PGGT1B: variants seen among roughly 807,000 people sequenced by gnomAD.
The protein encoded by PGGT1B is protein geranylgeranyltransferase type I subunit beta.
A neutral mutation model predicts 46.1 loss-of-function variants in PGGT1B; 30 were observed. The ratio of observed to expected loss-of-function variants is 0.65; its 90% CI spans 0.49 to 0.88. The LOEUF is 0.88. Among genes scored for constraint, PGGT1B ranks in the 40% least tolerant of loss-of-function variants. PGGT1B has a pLI of 0.00. For synonymous variants in PGGT1B, 170 were observed against 160.0 expected (o/e 1.06, Z -0.47); for missense variants, 376 against 455.9 (o/e 0.82, Z 1.60).
chr5:115,221,978 A>C lies in PGGT1B; in HGVS notation c.689T>G (p.Leu230Arg). The change falls in exon 7 of 9, where the codon CTA becomes CGA. Residue 230 changes from leucine to arginine, a missense_variant. By Grantham distance (102) the Leu-to-Arg change is moderately radical. This residue lies in a region of PGGT1B where 222 missense variants were observed against 313.6 expected (regional missense o/e 0.71). Transcript: ENST00000419445. ...GGSTFCGIAS[L>R]CLMGKLEEVF... ...TTCTTCTAGTTTACCCATCAGACAT[A>C]GTGAGGCAATGCCACAAAAAGTTGA... The C allele has an allele frequency of 6.3e-7, 1 of 1,588,318 alleles. No individual in the cohort carries two copies. Among genetic ancestry groups the C allele is most frequent in the Non-Finnish European group, 8.5e-7 (1 of 1,170,182 alleles).
intron 2 of PGGT1B, among the ~76,000 whole-genome samples, chr5:115,246,355 C>CAA (rs59252027): frequency 8.4e-6 from 1 of 118,602 alleles, no homozygotes. Context: ...TACTCCATTT[C>CAA]AAAAAAAAAA....
intron 1 of PGGT1B, among the ~76,000 whole-genome samples, chr5:115,254,134 C>G (rs748865232): frequency 2.6e-5 from 4 of 151,964 alleles, no homozygotes; most frequent in Non-Finnish European, 5.9e-5. Flanking sequence ...AATGAAGATT[C>G]TAAGAAATAG....
rs371884857 is a variant in PGGT1B, at chr5:115,238,279, T to C, written c.328-270A>G. Among the ~76,000 whole-genome samples the C allele has an allele frequency of 2.1e-4, 31 of 149,544 alleles. 1 individual carries two copies. The East Asian group carries it at 5.1e-3, about 24-fold the overall frequency. The stretch of plus-strand genomic sequence containing the variant: ...TCAGGTAAAGCAAATTATGTATTAC[T>C]TATTTTTTTGGATTTTTTTTTTTTT... On this transcript the variant is annotated intron_variant, in intron 3 of 8. Transcript: ENST00000419445.
chr5:115,254,046 T>C (rs539415725), intron 1 of PGGT1B, among the ~76,000 whole-genome samples: 7 of 152,192 alleles, frequency 4.6e-5, no homozygotes, highest in Non-Finnish European at 1.0e-4. Flanking sequence ...ATATGACTAA[T>C]AGTAATAAAT....
At chr5:115,224,945 A>T (rs1248099173) in intron 6 of PGGT1B, among the ~76,000 whole-genome samples, 1 of 152,178 alleles carries the variant, frequency 6.6e-6, no homozygotes, top group Non-Finnish European at 1.5e-5. Context: ...AATTCTATTT[A>T]AAAACAGGCA....
chr5:115,216,678 C>G (rs1183026238), intron 8 of PGGT1B, among the ~76,000 whole-genome samples, 187 bp downstream of exon 8: 2 of 152,150 alleles, frequency 1.3e-5, no homozygotes, highest in African/African-American at 4.8e-5. Flanking sequence ...TGATAATAAA[C>G]TCTTTCATTT....
rs1035943941 is a variant in PGGT1B at position 115,204,336 on chromosome 5, T to C, written c.*8066A>G. ...AAGGTACCGCCAGAGAATCTGCACT[T>C]TCTAACGAGTACCCAGGTGATGCTA... is the stretch of plus-strand genomic sequence containing the variant. On this transcript the variant is annotated 3_prime_UTR_variant, in exon 9 of 9. Coordinates refer to ENST00000419445, the MANE Select transcript of PGGT1B (RefSeq NM_005023.4). 3.3e-5 allele frequency: 5 copies of C among 152,160 alleles called. No individual in the cohort carries two copies. Among genetic ancestry groups the C allele is most frequent in the Admixed American group, 1.3e-4 (2 of 15,268 alleles). The allele number at this position is 152,160 out of a possible 1,614,324, so 9.4% of individuals were successfully genotyped here. A position where few individuals can be genotyped will look rare whatever the true frequency, so the allele number is the denominator to read the frequency against.
rs571733010 is a variant in PGGT1B, at chr5:115,249,545, C to G, written c.259+3592G>C. Among the ~76,000 whole-genome samples the G allele has an allele frequency of 1.7e-4, 26 of 151,972 alleles. No individual in the cohort carries two copies. In the East Asian group the frequency reaches 4.9e-3, roughly 28 times the overall value. On this transcript the variant is annotated intron_variant, in intron 2 of 8. Transcript: ENST00000419445. ...ACAAGGTGAGTGGTTTGGTGGGAGT[C>G]AGGGTAGATCAGAATGAGTCAGGGT...
At chr5:115,217,680 G>C (rs544125074) in intron 7 of PGGT1B, among the ~76,000 whole-genome samples, 3 of 152,008 alleles carry the variant, frequency 2.0e-5, no homozygotes, top group African/African-American at 7.2e-5. Context: ...ACCAGAGAGA[G>C]CCACAGCTTT....
chr5:115,261,949 G>A (rs1748572004), intron 1 of PGGT1B, among the ~76,000 whole-genome samples: 1 of 152,198 alleles, frequency 6.6e-6, no homozygotes, highest in African/African-American at 2.4e-5. Flanking sequence ...ATCCGGTCAT[G>A]CAGTGTTCAA....
intron 8 of PGGT1B, among the ~76,000 whole-genome samples, chr5:115,214,986 G>T (rs1756368587): frequency 2.6e-5 from 4 of 152,188 alleles, no homozygotes; most frequent in Admixed American, 2.6e-4. Flanking sequence ...CTTTCTCTAA[G>T]AAGACATGTT....
intron 5 of PGGT1B, 139 bp from the exon 6 acceptor site, chr5:115,231,160 T>TC: frequency 2.0e-6 from 1 of 510,666 alleles, no homozygotes; most frequent in Non-Finnish European, 3.5e-6. Flanking sequence ...TATGCGTTTT[T>TC]CCCCATGGAG....
Position 115,211,748 on chromosome 5 carries a change from TCA to T in PGGT1B, c.*652_*653del. ...CACATACAGTTAAGTTGCTTTTCCC[TCA>T]GTTACATAATAGTTGTCTTCAAACA... On this transcript the variant is annotated 3_prime_UTR_variant, in exon 9 of 9. Transcript: ENST00000419445. The T allele has an allele frequency of 6.6e-6, 1 of 152,232 alleles. No homozygotes were observed. The highest frequency in any genetic ancestry group is 2.1e-4 in the South Asian group (1 of 4,828). 9.4% of individuals were successfully genotyped at this position (152,232 alleles called of 1,614,324 possible).
At chr5:115,230,158 G>A (rs1009249606) in intron 6 of PGGT1B, among the ~76,000 whole-genome samples, 7 of 151,916 alleles carry the variant, frequency 4.6e-5, no homozygotes, top group African/African-American at 1.7e-4. Flanking sequence ...TGTTGATGAG[G>A]AAACCCTCCG....
intron 1 of PGGT1B, among the ~76,000 whole-genome samples, chr5:115,261,165 T>C (rs1258772824): frequency 1.3e-5 from 2 of 152,176 alleles, no homozygotes; most frequent in Non-Finnish European, 2.9e-5. Context: ...ATATAAACAA[T>C]TTATCAACAT....
At chr5:115,245,903 G>C (rs993267970) in intron 2 of PGGT1B, among the ~76,000 whole-genome samples, 2 of 152,134 alleles carry the variant, frequency 1.3e-5, no homozygotes, top group African/African-American at 2.4e-5. Context: ...TCTACAGTAA[G>C]AGAATTCTCC....
rs142086837 is a variant in PGGT1B, at chr5:115,212,007, T to G, written c.*395A>C. 1 of 158,646 alleles carries G rather than the reference T, an allele frequency of 6.3e-6. No individual in the cohort carries two copies. Among genetic ancestry groups the G allele is most frequent in the Non-Finnish European group, 1.4e-5 (1 of 71,856 alleles). 9.8% of individuals were successfully genotyped at this position (158,646 alleles called of 1,614,324 possible). On this transcript the variant is annotated 3_prime_UTR_variant, in exon 9 of 9. Coordinates refer to ENST00000419445, the MANE Select transcript of PGGT1B (RefSeq NM_005023.4). ...TACGATCAGCAGTGAGCTTTTTAAA[T>G]GATCACTAAGTGTTCACCTGAAGAT... is the stretch of plus-strand genomic sequence containing the variant.
intron 5 of PGGT1B, among the ~76,000 whole-genome samples, chr5:115,233,878 G>A (rs1283113102): frequency 1.3e-5 from 2 of 151,816 alleles, no homozygotes; most frequent in African/African-American, 4.8e-5. Context: ...AGAGAAAATG[G>A]GCAATCTCTA....
intron 6 of PGGT1B, among the ~76,000 whole-genome samples, chr5:115,223,220 G>A (rs1177583915): frequency 6.6e-6 from 1 of 152,090 alleles, no homozygotes; most frequent in African/African-American, 2.4e-5. Flanking sequence ...ACTTCAAAAC[G>A]TATCCATACC....
Sources: allele counts gnomAD v4.1 joint callset (sites outside exome capture counted in the v4.1 genomes callset), GRCh38; gene constraint gnomAD v4.1.1; regional missense constraint gnomAD v4.1.1; transcripts MANE v1.5; gene names NCBI Gene and HGNC (gene_info 2026-07-23, HGNC 2026-07-21).